ADD3: variants seen among roughly 807,000 people sequenced by gnomAD.
The protein encoded by ADD3 is adducin 3, also known as gamma-adducin.
A neutral mutation model predicts 80.2 loss-of-function variants in ADD3; 25 were observed. The ratio of observed to expected loss-of-function variants is 0.31; its 90% CI spans 0.23 to 0.44. The LOEUF is 0.44. Ranked by LOEUF, ADD3 falls within the 20% of genes least tolerant of loss-of-function variation. The pLI is 1.00. For synonymous variants in ADD3, 284 were observed against 289.6 expected (o/e 0.98, Z 0.20); for missense variants, 829 against 847.5 (o/e 0.98, Z 0.27).
rs1183768897 is a variant in ADD3, at chr10:110,023,084, A to G, written c.-30+14785A>G. Among the ~76,000 whole-genome samples the G allele has an allele frequency of 2.0e-5, 3 of 152,172 alleles. No homozygotes were observed. In the East Asian group the frequency reaches 5.8e-4, roughly 29 times the overall value. On this transcript the variant is annotated intron_variant, in intron 1 of 14. Coordinates refer to ENST00000356080, the MANE Select transcript of ADD3 (RefSeq NM_016824.5). ...TTGTGTGAAGAAAGTCACGATGGAG[A>G]GAGAGTGTGTTGGCAAAGAGGTTAG...
At chr10:110,026,921 T>C (rs148637351) in intron 1 of ADD3, among the ~76,000 whole-genome samples, 103 of 152,298 alleles carry the variant, frequency 6.8e-4, no homozygotes, top group African/African-American at 2.3e-3. Flanking sequence ...TACCATTGGA[T>C]TTCAGTAATG....
chr10:110,088,135 T>G (rs113978769), intron 1 of ADD3, among the ~76,000 whole-genome samples: 1 of 152,336 alleles, frequency 6.6e-6, no homozygotes, highest in African/African-American at 2.4e-5. Flanking sequence ...GGACTCACCC[T>G]AATCCAGTAT....
intron 1 of ADD3, among the ~76,000 whole-genome samples, chr10:110,070,878 C>G (rs1247033152): frequency 6.7e-6 from 1 of 150,270 alleles, no homozygotes; most frequent in Non-Finnish European, 1.5e-5. Flanking sequence ...ACAGGCAGCC[C>G]AAGTTCTACA....
At chr10:110,081,729 T>C (rs1846081525) in intron 1 of ADD3, among the ~76,000 whole-genome samples, 1 of 152,214 alleles carries the variant, frequency 6.6e-6, no homozygotes, top group African/African-American at 2.4e-5. Context: ...TTTTTAACAA[T>C]TGCTTATATG....
At chr10:110,087,974 G>A (rs1847008142) in intron 1 of ADD3, among the ~76,000 whole-genome samples, 1 of 152,138 alleles carries the variant, frequency 6.6e-6, no homozygotes, top group African/African-American at 2.4e-5. Context: ...GGCTTCTCAT[G>A]GTTCCCAGCT....
intron 1 of ADD3, among the ~76,000 whole-genome samples, chr10:110,044,560 T>G (rs1028660300): frequency 3.3e-5 from 5 of 152,206 alleles, no homozygotes; most frequent in African/African-American, 7.2e-5. Context: ...TTAAAAATAT[T>G]CATAGAACAT....
intron 1 of ADD3, among the ~76,000 whole-genome samples, chr10:110,100,180 C>T (rs186374023): frequency 5.3e-4 from 80 of 152,140 alleles, no homozygotes; most frequent in Middle Eastern, 3.4e-3. Flanking sequence ...AACCCCATCT[C>T]TACTTAAAAA....
chr10:110,002,335 A>G (rs564104590), upstream of ADD3, among the ~76,000 whole-genome samples: 2 of 152,042 alleles, frequency 1.3e-5, no homozygotes, highest in East Asian at 1.9e-4. Flanking sequence ...GTGCAGTGGC[A>G]CAATCTTGGC....
chr10:110,124,274 G>C lies in ADD3; in HGVS notation c.1401G>C (p.Thr467=). The change falls in exon 10 of 15, where the codon ACG becomes ACC. Residue 467 remains threonine (T), a splice_region_variant and synonymous_variant. Coordinates refer to ENST00000356080, the MANE Select transcript of ADD3 (RefSeq NM_016824.5). ...NGETSPRTKI[T]WMKAEDSSKV... is the part of the protein sequence containing the mutation. ...AAACCAGTCCCCGAACCAAAATCAC[G>C]GTATGCCAGTATTTTATGTAGTTTG... 6.2e-7 allele frequency: 1 copy of C among 1,613,224 alleles called. No homozygotes were observed.
chr10:110,091,132 T>A, intron 1 of ADD3, among the ~76,000 whole-genome samples: 1 of 152,186 alleles, frequency 6.6e-6, no homozygotes, highest in Non-Finnish European at 1.5e-5. Context: ...ATTGCTACTT[T>A]TAGAATATTT....
At chr10:110,124,387 A>G in intron 10 of ADD3, 113 bp downstream of exon 10, 1 of 1,254,244 alleles carries the variant, frequency 8.0e-7, no homozygotes, top group Non-Finnish European at 1.1e-6. Context: ...TAAAAATATT[A>G]CTGTCACTTA....
At chr10:110,026,460 A>G (rs1292567431) in intron 1 of ADD3, among the ~76,000 whole-genome samples, 1 of 151,894 alleles carries the variant, frequency 6.6e-6, no homozygotes, top group African/African-American at 2.4e-5. Context: ...TTGTATTTTT[A>G]GTAGAGATGG....
intron 1 of ADD3, among the ~76,000 whole-genome samples, chr10:110,062,772 C>T (rs11819522): frequency 0.12 from 18,948 of 152,128 alleles, 3,770 homozygotes; most frequent in African/African-American, 0.42. Context: ...CCAGCAGATA[C>T]GTTTCCATAT....
intron 1 of ADD3, among the ~76,000 whole-genome samples, chr10:110,029,121 C>A (rs761461389): frequency 1.3e-5 from 2 of 152,206 alleles, no homozygotes; most frequent in Admixed American, 6.5e-5. Context: ...TCAGGTGATC[C>A]GCCTGCCTCG....
intron 1 of ADD3, among the ~76,000 whole-genome samples, chr10:110,072,838 T>C (rs1844896050): frequency 1.3e-5 from 2 of 152,322 alleles, no homozygotes; most frequent in South Asian, 4.1e-4. Context: ...AAGGGACATC[T>C]CTGAATTAAA....
At position 110,078,703 on chromosome 10, in the gene ADD3, G is replaced by A. The variant is rs111561776; in HGVS notation, c.-29-21922G>A. 5.1e-3 allele frequency among the ~76,000 whole-genome samples: 779 copies of A among 152,160 alleles called. 4 individuals carry two copies. The highest frequency in any genetic ancestry group is 0.015 in the South Asian group (71 of 4,826). ...ATCATGACCCAATCATGACACACAC[G>A]AACCACTTTACATCTCTGAAATAAA... On this transcript the variant is annotated intron_variant, in intron 1 of 14. Transcript: ENST00000356080.
intron 1 of ADD3, among the ~76,000 whole-genome samples, chr10:110,092,114 C>T (rs916105873): frequency 5.9e-5 from 9 of 152,030 alleles, no homozygotes; most frequent in African/African-American, 1.2e-4. Context: ...GTGGAGAAAA[C>T]GGAACACTTA....
intron 1 of ADD3, among the ~76,000 whole-genome samples, chr10:110,086,451 TTG>T (rs1331447365): frequency 6.6e-6 from 1 of 152,034 alleles, no homozygotes; most frequent in Admixed American, 6.6e-5. Flanking sequence ...TGGTTTGGAT[TTG>T]TGTCCCCACG....
At chr10:110,095,205 T>G (rs1050133725) in intron 1 of ADD3, among the ~76,000 whole-genome samples, 3 of 152,202 alleles carry the variant, frequency 2.0e-5, no homozygotes, top group Non-Finnish European at 4.4e-5. Flanking sequence ...CAGGTTGGAT[T>G]TTTAAAATAA....
Sources: gnomAD v4.1 joint callset for allele counts (sites outside exome capture counted in the v4.1 genomes callset) on GRCh38, gnomAD v4.1.1 for gene constraint, MANE v1.5 for transcripts, NCBI Gene and HGNC (gene_info 2026-07-23, HGNC 2026-07-21) for gene names.